The following AGBL4 variants were observed in gnomAD, a reference collection of about 807,000 sequenced individuals.
AGBL4 encodes cytosolic carboxypeptidase 6.
Under a neutral mutation model 66.4 loss-of-function variants are expected in AGBL4, and 58 were observed. The observed-to-expected ratio is 0.87, with a 90% CI of 0.71 to 1.09. The LOEUF is 1.09. AGBL4 is among the 50% of genes least tolerant of loss of function. AGBL4 has a pLI of 0.00. For missense variants in AGBL4, 579 were observed against 631.0 expected, an observed-to-expected ratio of 0.92 and a Z score of 0.88; for synonymous variants, 234 against 222.9, an observed-to-expected ratio of 1.05 and a Z score of -0.44.
intron 6 of AGBL4, among the ~76,000 whole-genome samples, chr1:48,793,187 A>G (rs1442475140): frequency 6.6e-6 from 1 of 152,198 alleles, no homozygotes; most frequent in Non-Finnish European, 1.5e-5. Context: ...TCTCTGCCAG[A>G]TAATTAATGA....
intron 4 of AGBL4, among the ~76,000 whole-genome samples, chr1:49,105,709 T>C (rs1342039213): frequency 6.6e-6 from 1 of 152,188 alleles, no homozygotes; most frequent in Non-Finnish European, 1.5e-5. Flanking sequence ...TTCAGTCCCC[T>C]TATCTGCAAA....
chr1:49,733,007 C>T (rs973214437), intron 2 of AGBL4, among the ~76,000 whole-genome samples: 7 of 151,794 alleles, frequency 4.6e-5, no homozygotes, highest in African/African-American at 1.7e-4. Context: ...ATATTAAAAA[C>T]AGGGAAATAT....
At chr1:49,604,972 C>A (rs1291410565) in intron 3 of AGBL4, among the ~76,000 whole-genome samples, 2 of 152,082 alleles carry the variant, frequency 1.3e-5, no homozygotes, top group Non-Finnish European at 2.9e-5. Context: ...ATGATAACAT[C>A]ACTATTTATT....
chr1:49,561,079 G>C (rs768798304), intron 3 of AGBL4, among the ~76,000 whole-genome samples: 2 of 151,952 alleles, frequency 1.3e-5, no homozygotes, highest in African/African-American at 2.4e-5. Context: ...CATAACTATG[G>C]TGTGTAAACT....
chr1:49,682,352 C>T (rs1178699930), intron 3 of AGBL4, among the ~76,000 whole-genome samples: 3 of 151,986 alleles, frequency 2.0e-5, no homozygotes, highest in African/African-American at 4.8e-5. Context: ...TGCAGTGAGC[C>T]GAGATCACGC....
chr1:49,016,494 G>GA (rs1456723435), intron 5 of AGBL4, among the ~76,000 whole-genome samples: 1 of 152,146 alleles, frequency 6.6e-6, no homozygotes, highest in African/African-American at 2.4e-5. Flanking sequence ...TCAGTCACTT[G>GA]AGAGTGCCGG....
intron 3 of AGBL4, among the ~76,000 whole-genome samples, chr1:49,345,006 A>T (rs901638403): frequency 6.6e-6 from 1 of 152,194 alleles, no homozygotes; most frequent in African/African-American, 2.4e-5. Flanking sequence ...TTGATATTTG[A>T]CAAACTTTCC....
intron 8 of AGBL4, among the ~76,000 whole-genome samples, chr1:48,644,013 G>T (rs1286336696): frequency 6.6e-6 from 1 of 152,128 alleles, no homozygotes; most frequent in Admixed American, 6.5e-5. Context: ...CAATAATAAA[G>T]CTAATATTTT....
intron 2 of AGBL4, among the ~76,000 whole-genome samples, chr1:49,769,648 A>G (rs1643998390): frequency 6.6e-6 from 1 of 152,176 alleles, no homozygotes; most frequent in African/African-American, 2.4e-5. Flanking sequence ...TAGAGAACCC[A>G]GAAATAAAGC....
At chr1:48,590,375 C>T (rs945299467) in intron 10 of AGBL4, among the ~76,000 whole-genome samples, 44 of 146,280 alleles carry the variant, frequency 3.0e-4, no homozygotes, top group Admixed American at 7.0e-4. Flanking sequence ...CATTGCACTC[C>T]AGCCTGGGCA....
intron 3 of AGBL4, among the ~76,000 whole-genome samples, chr1:49,425,217 TTA>T (rs1419464256): frequency 6.6e-6 from 1 of 152,172 alleles, no homozygotes; most frequent in East Asian, 1.9e-4. Flanking sequence ...AAATTTTACA[TTA>T]TGAGTCACAA....
intron 3 of AGBL4, among the ~76,000 whole-genome samples, chr1:49,309,820 T>C (rs552846036): frequency 5.9e-4 from 90 of 152,272 alleles, no homozygotes; most frequent in Non-Finnish European, 1.2e-3. Flanking sequence ...CCAAAGTCAA[T>C]ATTAAATACT....
chr1:49,168,941 T>G (rs1265534908), intron 4 of AGBL4, among the ~76,000 whole-genome samples: 1 of 152,200 alleles, frequency 6.6e-6, no homozygotes, highest in Admixed American at 6.5e-5. Flanking sequence ...GAGGGATTGA[T>G]GCTTTATAGG....
At chr1:49,371,837 GT>G (rs1644352724) in intron 3 of AGBL4, among the ~76,000 whole-genome samples, 14 of 150,046 alleles carry the variant, frequency 9.3e-5, no homozygotes, top group Non-Finnish European at 1.5e-5. Flanking sequence ...GTGTGTGTGT[GT>G]GTGTGTGTGT....
chr1:49,756,597 C>A (rs1475477374), intron 2 of AGBL4, among the ~76,000 whole-genome samples: 1 of 152,190 alleles, frequency 6.6e-6, no homozygotes, highest in Non-Finnish European at 1.5e-5. Flanking sequence ...TTGTAGTTCC[C>A]ATAATCCCCA....
chr1:49,908,466 T>C (rs1458081699), intron 1 of AGBL4, among the ~76,000 whole-genome samples: 2 of 152,218 alleles, frequency 1.3e-5, no homozygotes, highest in Non-Finnish European at 2.9e-5. Flanking sequence ...CCATGTGACA[T>C]GCTTGCTCCC....
At chr1:49,785,658 T>C (rs1644434859) in intron 2 of AGBL4, among the ~76,000 whole-genome samples, 1 of 151,848 alleles carries the variant, frequency 6.6e-6, no homozygotes, top group Admixed American at 6.6e-5. Flanking sequence ...GTGGCCCAAA[T>C]TGAATTTCAA....
At chr1:49,875,442 T>A (rs1321468153) in intron 1 of AGBL4, among the ~76,000 whole-genome samples, 2 of 142,788 alleles carry the variant, frequency 1.4e-5, no homozygotes, top group Non-Finnish European at 3.0e-5. Flanking sequence ...TTACTGAGAA[T>A]GATGGTTTCC....
chr1:49,851,356 A>G (rs1646298905), intron 2 of AGBL4, 40 bp downstream of exon 2: 4 of 1,513,274 alleles, frequency 2.6e-6, no homozygotes, highest in Non-Finnish European at 3.5e-6. Flanking sequence ...GAAATGCCTT[A>G]CCAGACAAAC....
Sources: allele counts gnomAD v4.1 joint callset (sites outside exome capture counted in the v4.1 genomes callset), GRCh38; gene constraint gnomAD v4.1.1; transcripts MANE v1.5; gene names NCBI Gene and HGNC (gene_info 2026-07-23, HGNC 2026-07-21).